Variants in TEX14 observed in about 807,000 individuals in gnomAD.
The protein encoded by TEX14 is testis expressed 14, intercellular bridge forming factor, also known as inactive serine/threonine-protein kinase TEX14.
In TEX14, 168 loss-of-function variants were observed where a neutral mutation model predicts 178.6. The observed-to-expected ratio is 0.94, with a 90% CI of 0.83 to 1.07. TEX14 has a LOEUF of 1.07. Among genes scored for constraint, TEX14 ranks in the 50% least tolerant of loss-of-function variants. The pLI, the probability that TEX14 is intolerant of heterozygous loss-of-function variation, is 0.00. For missense variants in TEX14, 1,730 were observed against 1,753.6 expected, an observed-to-expected ratio of 0.99 and a Z score of 0.24; for synonymous variants, 626 against 634.1, an observed-to-expected ratio of 0.99 and a Z score of 0.19.
intron 1 of TEX14, among the ~76,000 whole-genome samples, chr17:58,669,733 C>CAAAAAA (rs71367615): frequency 2.3e-4 from 13 of 56,282 alleles, no homozygotes; most frequent in East Asian, 5.0e-4. Context: ...GACTCCGTCT[C>CAAAAAA]AAAAAAAAAA....
At chr17:58,661,700 C>T (rs1029310777) in intron 1 of TEX14, 5 of 586,590 alleles carry the variant, frequency 8.5e-6, no homozygotes, top group Non-Finnish European at 1.5e-5. Context: ...GGGCGCTGCA[C>T]GGCAGGGCAG....
chr17:58,615,817 A>T (rs2045859833), intron 7 of TEX14, among the ~76,000 whole-genome samples: 1 of 152,198 alleles, frequency 6.6e-6, no homozygotes, highest in South Asian at 2.1e-4. Context: ...CAGAGACATT[A>T]AAGTATTGTA....
intron 14 of TEX14, 50 bp from the exon 15 acceptor site, chr17:58,593,711 T>A (rs758978908): frequency 7.1e-7 from 1 of 1,407,660 alleles, no homozygotes; most frequent in African/African-American, 1.4e-5. Flanking sequence ...GAATTCCCAC[T>A]CTCTTCACTG....
At chr17:58,616,100 A>G in intron 7 of TEX14, 75 bp downstream of exon 7, 3 of 1,491,668 alleles carry the variant, frequency 2.0e-6, no homozygotes, top group Non-Finnish European at 2.7e-6. Flanking sequence ...AACTCCCCAC[A>G]CATAAGGAAG....
intron 2 of TEX14, among the ~76,000 whole-genome samples, chr17:58,633,610 A>G (rs1270399243): frequency 6.6e-6 from 1 of 152,104 alleles, no homozygotes; most frequent in African/African-American, 2.4e-5. Flanking sequence ...AGATCACTTG[A>G]GGTCAGGAGT....
At chr17:58,563,811 GACACACACAC>G (rs113071230) in intron 28 of TEX14, among the ~76,000 whole-genome samples, 3 of 138,120 alleles carry the variant, frequency 2.2e-5, no homozygotes, top group Non-Finnish European at 3.1e-5. Context: ...CACACACACA[GACACACACAC>G]ACACACACAC....
Position 58,599,476 on chromosome 17 carries a change from G to C in TEX14, c.1869C>G (p.Asn623Lys), listed in dbSNP as rs375597856. Reference protein sequence around the residue: ...GQPSLCSFEINEIYSGCLILE... With the variant: ...GQPSLCSFEIKEIYSGCLILE... ...AAATCAAGCAGCCTGAGTAGATCTC[G>C]TTGATTTCGAAACTGCAGAGGCTTG... Residue 623 changes from asparagine (N) to lysine (K), a missense_variant, in exon 14 of 32, where the codon AAC (asparagine) becomes AAG (lysine). Coordinates refer to ENST00000349033, the MANE Select transcript of TEX14 (RefSeq NM_031272.5). The C allele has an allele frequency of 1.2e-6, 2 of 1,614,072 alleles. No individual in the cohort carries two copies. Among genetic ancestry groups the C allele is most frequent in the South Asian group, 1.1e-5 (1 of 91,078 alleles).
At chr17:58,595,605 T>A (rs1329107395) in intron 14 of TEX14, among the ~76,000 whole-genome samples, 1 of 152,238 alleles carries the variant, frequency 6.6e-6, no homozygotes, top group Non-Finnish European at 1.5e-5. Context: ...ATTTATTGAA[T>A]GACAAGTCAA....
intron 26 of TEX14, among the ~76,000 whole-genome samples, chr17:58,566,868 A>C (rs1957867703): frequency 1.3e-5 from 2 of 151,452 alleles, no homozygotes; most frequent in Non-Finnish European, 2.9e-5. Flanking sequence ...TCCAGTTCCT[A>C]AAGAAATACT....
At chr17:58,600,767 G>A (rs2045415459) in intron 13 of TEX14, among the ~76,000 whole-genome samples, 1 of 152,126 alleles carries the variant, frequency 6.6e-6, no homozygotes, top group African/African-American at 2.4e-5. Context: ...AGGAGAGTCA[G>A]AGTGAATGGT....
intron 12 of TEX14, 125 bp from the exon 13 acceptor site, chr17:58,602,081 C>A (rs1480995229): frequency 1.0e-6 from 1 of 963,562 alleles, no homozygotes; most frequent in Non-Finnish European, 1.6e-6. Context: ...TGACTTTAGT[C>A]CTAATTAACT....
intron 19 of TEX14, chr17:58,581,806 TAAC>T: frequency 6.5e-7 from 1 of 1,533,548 alleles, no homozygotes; most frequent in Admixed American, 1.8e-5. Flanking sequence ...GATGCAGTGT[TAAC>T]AACGGGGTTA....
At chr17:58,661,981 G>A (rs1332504579) in intron 1 of TEX14, among the ~76,000 whole-genome samples, 1 of 152,006 alleles carries the variant, frequency 6.6e-6, no homozygotes, top group East Asian at 1.9e-4. Context: ...GACCCCCAAA[G>A]TGACTTTGCC....
In TEX14 at chr17:58,630,538, T is replaced by C. The variant is rs2046263352; in HGVS notation, c.153A>G (p.Ala51=). 2.5e-6 allele frequency: 4 copies of C among 1,613,044 alleles called. No individual in the cohort carries two copies. The highest frequency in any genetic ancestry group is 3.4e-6 in the Non-Finnish European group (4 of 1,179,168). ...GTGCTGTTTGGCCCAAGGAGTTAACTGCATCAACATAAATTCCTGCAAAGG... is the reference window on the plus strand; with the variant it reads ...GTGCTGTTTGGCCCAAGGAGTTAACCGCATCAACATAAATTCCTGCAAAGG... ...KILKKGIYVD[A]VNSLGQTALF... is the part of the protein sequence containing the mutation. Residue 51 remains alanine (A), a synonymous_variant, in exon 3 of 32, where the codon GCA becomes GCG. Coordinates refer to ENST00000349033, the MANE Select transcript of TEX14 (RefSeq NM_031272.5).
chr17:58,565,047 A>G, intron 27 of TEX14, 79 bp from the exon 28 acceptor site: 1 of 844,746 alleles, frequency 1.2e-6, no homozygotes, highest in Non-Finnish European at 1.9e-6. Flanking sequence ...GAGTGCAAAA[A>G]TTAAGGCCAA....
At position 58,599,298 on chromosome 17, in the gene TEX14, T is replaced by C; in HGVS notation, c.2047A>G (p.Lys683Glu). Reference sequence around the variant, plus strand: ...TCAAAAGAGTACTCTGTCTCAGCTTTTGAAGAGCTCTCATCCTCACTGCCA... The same window carrying C: ...TCAAAAGAGTACTCTGTCTCAGCTTCTGAAGAGCTCTCATCCTCACTGCCA... ...CFGSEDESSSKAETEYSFDDW... is the reference protein window; with the variant it reads ...CFGSEDESSSEAETEYSFDDW... Residue 683 changes from lysine (K) to glutamate (E), a missense_variant, in exon 14 of 32, where the codon AAA becomes GAA. Lys to Glu is a moderately conservative substitution (Grantham distance 56). Around this residue, in one of 2 missense-constraint regions of TEX14, gnomAD observed 941 missense variants for 1,072.4 expected, o/e 0.88. Coordinates refer to ENST00000349033, the MANE Select transcript of TEX14 (RefSeq NM_031272.5). 2 of 1,613,464 alleles carry C rather than the reference T, an allele frequency of 1.2e-6. No individual in the cohort carries two copies. The highest frequency in any genetic ancestry group is 1.7e-6 in the Non-Finnish European group (2 of 1,180,020).
chr17:58,593,902 C>G (rs1273202275), intron 14 of TEX14, among the ~76,000 whole-genome samples: 1 of 151,980 alleles, frequency 6.6e-6, no homozygotes, highest in Non-Finnish European at 1.5e-5. Context: ...TGGCAAGATC[C>G]TGGCTCACTG....
chr17:58,570,327 G>T, intron 25 of TEX14, 58 bp downstream of exon 25: 1 of 1,088,322 alleles, frequency 9.2e-7, no homozygotes, highest in Non-Finnish European at 1.3e-6. Context: ...AGATTGATAA[G>T]CATCAATTTA....
chr17:58,616,196 C>T lies in TEX14; in HGVS notation c.746G>A (p.Gly249Asp). The change falls in exon 7 of 32, where the codon GGC becomes GAC. Residue 249 changes from glycine (G) to aspartate (D), a missense_variant. Transcript: ENST00000349033. The part of the protein sequence containing the change: ...DDEPTFSFFS[G>D]PYMVMTNLVW... ...TTACTTGGTCATGACCATGTAGGGG[C>T]CGCTGAAGAAAGAGAAGGTGGGCTC... The T allele has an allele frequency of 1.9e-6, 3 of 1,613,738 alleles. No homozygotes were observed. Among genetic ancestry groups the T allele is most frequent in the Non-Finnish European group, 2.5e-6 (3 of 1,179,842 alleles).
Sources: gnomAD v4.1 joint callset for allele counts (sites outside exome capture counted in the v4.1 genomes callset) on GRCh38, gnomAD v4.1.1 for gene constraint, gnomAD v4.1.1 regional missense constraint, MANE v1.5 for transcripts, NCBI Gene and HGNC (gene_info 2026-07-23, HGNC 2026-07-21) for gene names.